PCLO: variants seen among roughly 807,000 people sequenced by gnomAD.
PCLO encodes the protein protein piccolo.
In PCLO, 82 loss-of-function variants were observed where a neutral mutation model predicts 427.5. That is an observed-to-expected ratio of 0.19 (90% CI 0.16 to 0.23). The LOEUF (loss-of-function observed/expected upper bound fraction) is 0.23. Ranked by LOEUF, PCLO falls within the 10% of genes least tolerant of loss-of-function variation. The pLI, the probability that PCLO is intolerant of heterozygous loss-of-function variation, is 1.00. For synonymous variants in PCLO, 2,357 were observed against 2,155.4 expected (o/e 1.09, Z -2.59); for missense variants, 6,239 against 6,115.9 (o/e 1.02, Z -0.67).
At chr7:83,028,953 C>G (rs1441960042) in intron 3 of PCLO, among the ~76,000 whole-genome samples, 1 of 151,994 alleles carries the variant, frequency 6.6e-6, no homozygotes, top group East Asian at 1.9e-4. Context: ...ATACAAAAAT[C>G]AATTCAAGAT....
intron 3 of PCLO, among the ~76,000 whole-genome samples, chr7:83,125,897 T>TAA (rs200113131): frequency 1.3e-5 from 2 of 150,196 alleles, no homozygotes; most frequent in Admixed American, 1.3e-4. Context: ...CTAAAAAAAT[T>TAA]AAAAAAAAAT....
At chr7:83,156,480 T>C in intron 1 of PCLO, 88 bp from the exon 2 acceptor site, 1 of 793,770 alleles carries the variant, frequency 1.3e-6, no homozygotes, top group East Asian at 2.7e-5. Context: ...CTATTGCTTA[T>C]ATCTTCAAAA....
chr7:83,048,771 CCTA>C lies in PCLO; in HGVS notation c.3301-82287_3301-82285del, dbSNP rs1407338296. 7.2e-5 allele frequency among the ~76,000 whole-genome samples: 11 copies of C among 152,148 alleles called. No homozygotes were observed. The East Asian group carries it at 1.7e-3, about 24-fold the overall frequency. On this transcript the variant is annotated intron_variant, in intron 3 of 24. Coordinates refer to ENST00000333891, the MANE Select transcript of PCLO (RefSeq NM_033026.6). ...TCATGCTCCAGACTCTCTATTCTCA[CCTA>C]CTGATGGTTTAAAGAGCACCATATT...
intron 6 of PCLO, among the ~76,000 whole-genome samples, chr7:82,919,314 G>A (rs562948389): frequency 1.3e-5 from 2 of 152,032 alleles, no homozygotes; most frequent in East Asian, 1.9e-4. Flanking sequence ...CTTGACTATT[G>A]AAGAGGCTAT....
intron 10 of PCLO, among the ~76,000 whole-genome samples, chr7:82,874,992 T>C (rs1793335717): frequency 6.6e-6 from 1 of 152,196 alleles, no homozygotes; most frequent in Non-Finnish European, 1.5e-5. Context: ...CTTAGATTTG[T>C]AAATTCCCCA....
In PCLO at chr7:83,162,725, A is replaced by G. The variant is rs143183160; in HGVS notation, c.-133T>C. ...AGGCAGCCGAGTCCCTGGACTCTGG[A>G]CCAGGCACTGCCGCCCGGAACGCCA... On this transcript the variant is annotated 5_prime_UTR_variant, in exon 1 of 25. Transcript: ENST00000333891. The G allele has an allele frequency of 4.7e-4, 557 of 1,187,078 alleles. 2 individuals carry two copies. Among genetic ancestry groups the G allele is most frequent in the Admixed American group, 2.3e-3 (77 of 34,210 alleles). 73.5% of individuals were successfully genotyped at this position (1,187,078 alleles called of 1,614,324 possible).
intron 1 of PCLO, among the ~76,000 whole-genome samples, chr7:83,161,235 T>A (rs1366694045): frequency 3.5e-5 from 1 of 28,788 alleles, no homozygotes; most frequent in African/African-American, 1.1e-4. Context: ...CTAAGTTAAT[T>A]TTTTTTTTAT....
In PCLO at chr7:82,914,998, G is replaced by A. The variant is rs953489035; in HGVS notation, c.12988C>T (p.His4330Tyr). 4 of 1,613,544 alleles carry A rather than the reference G, an allele frequency of 2.5e-6. No individual in the cohort carries two copies. Among genetic ancestry groups the A allele is most frequent in the African/African-American group, 1.3e-5 (1 of 74,910 alleles). Residue 4330 changes from histidine (H) to tyrosine (Y), a missense_variant, in exon 7 of 25, where the codon CAT (histidine) becomes TAT (tyrosine). Physicochemically the swap from His to Tyr is moderately conservative, Grantham distance 83. Around this residue, in one of 5 missense-constraint regions of PCLO, gnomAD observed 680 missense variants for 677.3 expected, o/e 1.00. Coordinates refer to ENST00000333891, the MANE Select transcript of PCLO (RefSeq NM_033026.6). ...EAEALDVSFS[H>Y]ASSSARTKPT... ...TTAGTTCTGGCAGAGGATGATGCAT[G>A]ACTAAAGGAAACATCTAGAGCTTCA... is the stretch of plus-strand genomic sequence containing the variant.
chr7:82,809,825 A>G (rs919764634), intron 20 of PCLO, among the ~76,000 whole-genome samples: 17 of 151,346 alleles, frequency 1.1e-4, no homozygotes, highest in African/African-American at 4.1e-4. Flanking sequence ...AGATAACTTT[A>G]CTCTGTCATA....
intron 3 of PCLO, 137 bp from the exon 4 acceptor site, chr7:82,966,624 T>C (rs890716871): frequency 2.3e-5 from 11 of 477,378 alleles, no homozygotes; most frequent in Non-Finnish European, 3.6e-5. Context: ...GTTTTCCAAA[T>C]CCAATGACGC....
chr7:82,993,139 G>T (rs1796415649), intron 3 of PCLO, among the ~76,000 whole-genome samples: 1 of 151,600 alleles, frequency 6.6e-6, no homozygotes, highest in African/African-American at 2.4e-5. Flanking sequence ...CCTCTAGATT[G>T]TACCTTTATA....
chr7:83,017,254 CAG>C lies in PCLO; in HGVS notation c.3301-50769_3301-50768del, dbSNP rs1181570122. ...GGAGATGGGTAAGAAATGAATAAAA[CAG>C]AAGATAAATTCATAATGCAGTCATA... is the stretch of plus-strand genomic sequence containing the variant. On this transcript the variant is annotated intron_variant, in intron 3 of 24. Coordinates refer to ENST00000333891, the MANE Select transcript of PCLO (RefSeq NM_033026.6). 5.9e-5 allele frequency among the ~76,000 whole-genome samples: 9 copies of C among 151,886 alleles called. 1 individual carries two copies. Among genetic ancestry groups the C allele is most frequent in the Admixed American group, 2.6e-4 (4 of 15,244 alleles).
At chr7:83,120,689 C>T (rs1791254924) in intron 3 of PCLO, among the ~76,000 whole-genome samples, 1 of 152,120 alleles carries the variant, frequency 6.6e-6, no homozygotes, top group Non-Finnish European at 1.5e-5. Flanking sequence ...AGTAGCATGA[C>T]ATATTTAAAG....
intron 4 of PCLO, among the ~76,000 whole-genome samples, chr7:82,961,720 G>C (rs1236842176): frequency 2.6e-5 from 4 of 152,148 alleles, no homozygotes; most frequent in Non-Finnish European, 1.5e-5. Flanking sequence ...CTGGGAGAAG[G>C]CTGGAAGTTA....
At chr7:82,901,064 C>A (rs539663858) in intron 9 of PCLO, among the ~76,000 whole-genome samples, 1 of 151,906 alleles carries the variant, frequency 6.6e-6, no homozygotes, top group African/African-American at 2.4e-5. Context: ...TATATTCCTA[C>A]AACCAGTGAC....
In PCLO at chr7:82,956,415, A is replaced by G; in HGVS notation, c.4538T>C (p.Val1513Ala). Residue 1513 changes from valine (V) to alanine (A), a missense_variant, in exon 5 of 25, where the codon GTT becomes GCT. Transcript: ENST00000333891. ...ITTRREPYDS[V>A]EESSESENSP... is the part of the protein sequence containing the mutation. Reference sequence around the variant, plus strand: ...GTTTTCACTTTCACTACTCTCTTCAACTGAATCATAAGGCTCTCTTCTAGT... The same window carrying G: ...GTTTTCACTTTCACTACTCTCTTCAGCTGAATCATAAGGCTCTCTTCTAGT... The G allele has an allele frequency of 6.2e-7, 1 of 1,613,752 alleles. No individual in the cohort carries two copies. The highest frequency in any genetic ancestry group is 1.3e-5 in the African/African-American group (1 of 75,034).
At chr7:82,858,675 C>G (rs1349542629) in intron 10 of PCLO, among the ~76,000 whole-genome samples, 2 of 152,014 alleles carry the variant, frequency 1.3e-5, no homozygotes, top group African/African-American at 4.8e-5. Flanking sequence ...CTTCTAAACA[C>G]TGACAAACTA....
chr7:83,009,776 T>C (rs181178298), intron 3 of PCLO, among the ~76,000 whole-genome samples: 206 of 152,072 alleles, frequency 1.4e-3, no homozygotes, highest in Admixed American at 2.2e-3. Flanking sequence ...ACAAATGTTA[T>C]TGGGTTCCAT....
In PCLO at chr7:82,953,385, G is replaced by A. The variant is rs1317854059; in HGVS notation, c.7568C>T (p.Thr2523Ile). The change falls in exon 5 of 25, where the codon ACA becomes ATA. Residue 2523 changes from threonine to isoleucine, a missense_variant. Physicochemically the swap from Thr to Ile is moderately conservative, Grantham distance 89. This residue lies in a region of PCLO where 4,677 missense variants were observed against 4,468.4 expected (regional missense o/e 1.05). Transcript: ENST00000333891. ...KPVIPQLPTTTQKPTDIHPKP... is the reference protein window; with the variant it reads ...KPVIPQLPTTIQKPTDIHPKP... The stretch of plus-strand genomic sequence containing the variant: ...GGGGTGTATATCTGTTGGTTTTTGT[G>A]TAGTTGTTGGAAGCTGAGGAATCAC... 2.5e-6 allele frequency: 4 copies of A among 1,613,678 alleles called. No homozygotes were observed. Among genetic ancestry groups the A allele is most frequent in the East Asian group, 2.2e-5 (1 of 44,818 alleles).
Sources: gnomAD v4.1 joint callset for allele counts (sites outside exome capture counted in the v4.1 genomes callset) on GRCh38, gnomAD v4.1.1 for gene constraint, gnomAD v4.1.1 regional missense constraint, MANE v1.5 for transcripts, NCBI Gene and HGNC (gene_info 2026-07-23, HGNC 2026-07-21) for gene names.